The following TRPM3 variants were observed in gnomAD, a reference collection of about 807,000 sequenced individuals.
TRPM3 encodes transient receptor potential cation channel subfamily M member 3.
A neutral mutation model predicts 181.2 loss-of-function variants in TRPM3; 77 were observed. That is an observed-to-expected ratio of 0.42 (90% CI 0.35 to 0.51). The LOEUF (loss-of-function observed/expected upper bound fraction) is 0.51. Ranked by LOEUF, TRPM3 falls within the 20% of genes least tolerant of loss-of-function variation. TRPM3 has a pLI of 0.01. For missense variants in TRPM3, 1,759 were observed against 2,196.7 expected, an observed-to-expected ratio of 0.80 and a Z score of 3.98; for synonymous variants, 745 against 796.4, an observed-to-expected ratio of 0.94 and a Z score of 1.09.
intron 1 of TRPM3, among the ~76,000 whole-genome samples, chr9:71,178,001 C>T (rs984922690): frequency 1.3e-5 from 2 of 149,186 alleles, no homozygotes; most frequent in Non-Finnish European, 3.0e-5. Context: ...AACCAAGATA[C>T]GATCTTAAAC....
intron 1 of TRPM3, among the ~76,000 whole-genome samples, chr9:71,080,171 A>AAAT (rs1554820949): frequency 7.5e-6 from 1 of 133,196 alleles, no homozygotes; most frequent in Non-Finnish European, 1.6e-5. Context: ...ACTCCATCTC[A>AAAT]AAATAAATAA....
At chr9:70,568,659 A>G (rs2051315677) in intron 22 of TRPM3, among the ~76,000 whole-genome samples, 1 of 152,238 alleles carries the variant, frequency 6.6e-6, no homozygotes, top group Admixed American at 6.5e-5. Context: ...TAGGCAAGTA[A>G]CTTGCACAAT....
At chr9:70,598,146 T>A (rs1355186246) in intron 21 of TRPM3, among the ~76,000 whole-genome samples, 1 of 152,242 alleles carries the variant, frequency 6.6e-6, no homozygotes, top group Middle Eastern at 3.2e-3. Context: ...AACATCTTTG[T>A]ATACCCAACT....
chr9:70,812,317 C>T (rs10868894), intron 6 of TRPM3, among the ~76,000 whole-genome samples: 45,959 of 151,998 alleles, frequency 0.3, 8,014 homozygotes, highest in Non-Finnish European at 0.37. Context: ...AGGAACTCAC[C>T]CACTTTTCAT....
At chr9:70,609,010 C>T (rs1030743097) in intron 19 of TRPM3, among the ~76,000 whole-genome samples, 19 of 152,122 alleles carry the variant, frequency 1.2e-4, no homozygotes, top group African/African-American at 3.1e-4. Context: ...TGCTGGGCAA[C>T]GTGAATAGCC....
At chr9:70,666,303 A>T (rs2061839399) in intron 9 of TRPM3, among the ~76,000 whole-genome samples, 1 of 152,218 alleles carries the variant, frequency 6.6e-6, no homozygotes, top group South Asian at 2.1e-4. Context: ...TTCACGATCC[A>T]GGGAATTTCC....
chr9:71,425,122 T>C (rs1037106088), intron 1 of TRPM3, among the ~76,000 whole-genome samples: 4 of 152,098 alleles, frequency 2.6e-5, no homozygotes, highest in African/African-American at 9.7e-5. Flanking sequence ...TTTTTCTATT[T>C]CCCTGGATAG....
At chr9:70,825,849 T>C (rs1373549478) in intron 6 of TRPM3, 4 of 152,276 alleles carry the variant, frequency 2.6e-5, no homozygotes, top group Non-Finnish European at 5.9e-5. Flanking sequence ...ACCCCCTTCC[T>C]CTAGGCATTC....
intron 25 of TRPM3, among the ~76,000 whole-genome samples, chr9:70,538,411 G>A (rs768262979): frequency 1.1e-4 from 16 of 152,020 alleles, no homozygotes; most frequent in Non-Finnish European, 2.2e-4. Context: ...GATTACAGGC[G>A]TAAGCCACCA....
At chr9:70,670,680 T>TG (rs1362333986) in intron 9 of TRPM3, among the ~76,000 whole-genome samples, 2 of 152,184 alleles carry the variant, frequency 1.3e-5, no homozygotes, top group Non-Finnish European at 2.9e-5. Flanking sequence ...ATTTTGAATA[T>TG]GGGGGATATC....
chr9:70,566,817 G>A (rs1052232944), intron 22 of TRPM3, among the ~76,000 whole-genome samples: 2 of 152,152 alleles, frequency 1.3e-5, no homozygotes, highest in African/African-American at 2.4e-5. Flanking sequence ...AATGGAGGGC[G>A]AAGGAAAATG....
At chr9:71,300,784 A>G (rs2086697709) in intron 1 of TRPM3, among the ~76,000 whole-genome samples, 1 of 152,170 alleles carries the variant, frequency 6.6e-6, no homozygotes, top group South Asian at 2.1e-4. Flanking sequence ...ATGTGATTTT[A>G]AATTCTGAAA....
intron 1 of TRPM3, among the ~76,000 whole-genome samples, chr9:71,232,491 C>CTTTTTTT (rs71352362): frequency 0.011 from 630 of 59,146 alleles, 96 homozygotes; most frequent in African/African-American, 0.02. Flanking sequence ...AATTCAGTGT[C>CTTTTTTT]TTTTTTTTTT....
chr9:71,183,018 T>C (rs565921617), intron 1 of TRPM3, among the ~76,000 whole-genome samples: 8 of 151,980 alleles, frequency 5.3e-5, no homozygotes, highest in African/African-American at 1.7e-4. Context: ...ATTCCCAAAG[T>C]GGGGTAAAAA....
chr9:71,247,242 T>C (rs1253479966), intron 1 of TRPM3, among the ~76,000 whole-genome samples: 1 of 150,860 alleles, frequency 6.6e-6, no homozygotes, highest in African/African-American at 2.4e-5. Flanking sequence ...TAATCCCAGT[T>C]ACTCAGGAGA....
intron 1 of TRPM3, among the ~76,000 whole-genome samples, chr9:70,925,870 T>C (rs949224254): frequency 1.3e-5 from 2 of 151,916 alleles, no homozygotes; most frequent in South Asian, 4.2e-4. Flanking sequence ...TAAGAATATG[T>C]TTACAATGAG....
At chr9:71,386,463 AG>A (rs1271926874) in intron 1 of TRPM3, among the ~76,000 whole-genome samples, 1 of 151,866 alleles carries the variant, frequency 6.6e-6, no homozygotes, top group East Asian at 1.9e-4. Flanking sequence ...AAAAAAAAAA[AG>A]ATAGCAAATA....
chr9:70,635,505 C>T lies in TRPM3; in HGVS notation c.1582-244G>A, dbSNP rs892653391. Among the ~76,000 whole-genome samples, 3 of 148,266 alleles carry T rather than the reference C, an allele frequency of 2.0e-5. No homozygotes were observed. In the Admixed American group the frequency reaches 2.0e-4, roughly 10 times the overall value. On this transcript the variant is annotated intron_variant, in intron 11 of 25. Coordinates refer to ENST00000677713, the MANE Select transcript of TRPM3 (RefSeq NM_001366145.2). ...TTTTGATACAGGGTCTTCTGTTACC[C>T]AGGCTGGAGTGCAACGGCATAATCA...
intron 4 of TRPM3, 35 bp from the exon 5 acceptor site, chr9:70,843,162 T>C (rs753596469): frequency 1.9e-5 from 30 of 1,590,336 alleles, no homozygotes; most frequent in Non-Finnish European, 8.5e-7. Context: ...TTTTTTCTTT[T>C]AAAGCAAATA....
Sources: allele counts gnomAD v4.1 joint callset (sites outside exome capture counted in the v4.1 genomes callset), GRCh38; gene constraint gnomAD v4.1.1; transcripts MANE v1.5; gene names NCBI Gene and HGNC (gene_info 2026-07-23, HGNC 2026-07-21).